The following KIF7 variants were observed in gnomAD, a reference collection of about 807,000 sequenced individuals.
KIF7 encodes the protein kinesin-like protein KIF7.
In KIF7, 104 loss-of-function variants were observed where a neutral mutation model predicts 135.7. The observed-to-expected ratio is 0.77, with a 90% CI of 0.65 to 0.90. The LOEUF (loss-of-function observed/expected upper bound fraction) is 0.90. Ranked by LOEUF, KIF7 falls within the 40% of genes least tolerant of loss-of-function variation. The pLI is 0.00. For missense variants in KIF7, 2,005 were observed against 1,839.1 expected (o/e 1.09, Z -1.65); for synonymous variants, 883 against 809.4 (o/e 1.09, Z -1.54).
rs969740740 is a variant in KIF7, at chr15:89,628,186, T to C, written c.*233A>G. The C allele has an allele frequency of 1.3e-5, 6 of 473,654 alleles. No individual in the cohort carries two copies. The highest frequency in any genetic ancestry group is 3.7e-5 in the Admixed American group (1 of 26,800). 29.3% of individuals were successfully genotyped at this position (473,654 alleles called of 1,614,324 possible). A position where few individuals can be genotyped will look rare whatever the true frequency, so the allele number is the denominator to read the frequency against. On this transcript the variant is annotated 3_prime_UTR_variant, in exon 19 of 19. Coordinates refer to ENST00000394412, the MANE Select transcript of KIF7 (RefSeq NM_198525.3). ...ATTCGAGCAAGACACAAGGCGGCAA[T>C]TGGGTACCACAGCTTCATGGAAGTA... is the stretch of plus-strand genomic sequence containing the variant.
At position 89,628,751 on chromosome 15, in the gene KIF7, G is replaced by C. The variant is rs1438460995; in HGVS notation, c.3700C>G (p.Gln1234Glu). The C allele has an allele frequency of 1.9e-6, 3 of 1,612,426 alleles. No individual in the cohort carries two copies. The highest frequency in any genetic ancestry group is 1.7e-5 in the Admixed American group (1 of 60,008). Residue 1234 changes from glutamine (Q) to glutamate (E), a missense_variant, in exon 19 of 19, where the codon CAG (glutamine) becomes GAG (glutamate). Physicochemically the swap from Gln to Glu is conservative, Grantham distance 29 (BLOSUM62 2). Coordinates refer to ENST00000394412, the MANE Select transcript of KIF7 (RefSeq NM_198525.3). ...EKRSLCSEGR[Q>E]APGNEDELHL... ...AGCTCATCTTCATTTCCAGGAGCCT[G>C]TCTGCCCTCCGAGCACAGGCTCCTC... is the stretch of plus-strand genomic sequence containing the variant.
intron 1 of KIF7, among the ~76,000 whole-genome samples, chr15:89,622,785 T>C (rs1963448167): frequency 6.6e-6 from 1 of 152,176 alleles, no homozygotes; most frequent in Non-Finnish European, 1.5e-5. Flanking sequence ...CTAGTATTGT[T>C]TTCTATGCCT....
intron 11 of KIF7, among the ~76,000 whole-genome samples, chr15:89,635,539 T>A (rs557916984): frequency 6.6e-6 from 1 of 152,254 alleles, no homozygotes; most frequent in African/African-American, 2.4e-5. Flanking sequence ...TGCAGAAGCC[T>A]CAGGAGCTGA....
chr15:89,633,806 G>C lies in KIF7; in HGVS notation c.2472C>G (p.Leu824=). ...SAQSEKRLQE[L]ERNVQLMRQQ... is the part of the protein sequence containing the mutation. ...GCCGCATGAGCTGCACGTTCCGCTCGAGCTCCTGCAGTCGCTTCTCACTCT... is the reference window on the plus strand; with the variant it reads ...GCCGCATGAGCTGCACGTTCCGCTCCAGCTCCTGCAGTCGCTTCTCACTCT... Residue 824 remains leucine, a synonymous_variant, in exon 12 of 19, where the codon CTC becomes CTG. Transcript: ENST00000394412. 6.2e-7 allele frequency: 1 copy of C among 1,612,736 alleles called. No individual in the cohort carries two copies. Among genetic ancestry groups the C allele is most frequent in the South Asian group, 1.1e-5 (1 of 91,082 alleles).
intron 11 of KIF7, among the ~76,000 whole-genome samples, chr15:89,638,975 C>T (rs894055195): frequency 5.3e-5 from 8 of 151,916 alleles, no homozygotes; most frequent in African/African-American, 1.9e-4. Context: ...GAACAGAGCC[C>T]TCAGAAATAA....
At position 89,633,133 on chromosome 15, in the gene KIF7, G is replaced by T; in HGVS notation, c.2718+8C>A. On this transcript the variant is annotated splice_region_variant and intron_variant, in intron 13 of 18. Coordinates refer to ENST00000394412, the MANE Select transcript of KIF7 (RefSeq NM_198525.3). ...GGAGCCCTGGGTGCGGACACAGCCTGGCCCCACCTGCTGCTGTTCCAGGCT... is the reference window on the plus strand; with the variant it reads ...GGAGCCCTGGGTGCGGACACAGCCTTGCCCCACCTGCTGCTGTTCCAGGCT... The T allele has an allele frequency of 6.2e-7, 1 of 1,602,176 alleles. No homozygotes were observed.
rs146368430 is a variant in KIF7 at position 89,633,185 on chromosome 15, G to A, written c.2674C>T (p.Arg892Cys). The A allele has an allele frequency of 5.3e-5, 85 of 1,605,300 alleles. No homozygotes were observed. Among genetic ancestry groups the A allele is most frequent in the South Asian group, 3.0e-4 (27 of 90,506 alleles). The change falls in exon 13 of 19, where the codon CGC (arginine) becomes TGC (cysteine). Residue 892 changes from arginine (R) to cysteine (C), a missense_variant. Transcript: ENST00000394412. ...ACCACAGAGCCGTTGCTGCCACTGC[G>A]CCTCTTCCTCTGGAATGCCGCGATC... ...EEIAAFQRKR[R>C]SGSNGSVVSL...
chr15:89,662,489 C>T, the KIF7 span, among the ~76,000 whole-genome samples: 9 of 152,088 alleles, frequency 5.9e-5, no homozygotes, highest in Non-Finnish European at 8.8e-5. Context: ...CAGAGTGATA[C>T]GGTCTCAAAA....
chr15:89,638,904 G>A (rs545134476), intron 11 of KIF7, among the ~76,000 whole-genome samples: 9 of 152,010 alleles, frequency 5.9e-5, no homozygotes, highest in Non-Finnish European at 1.3e-4. Flanking sequence ...ATACTACAAG[G>A]CTACAGTAAC....
At position 89,652,922 on chromosome 15, in the gene KIF7, C is replaced by G. The variant is rs1204498020; in HGVS notation, c.9G>C (p.Leu3=). 1.3e-6 allele frequency: 2 copies of G among 1,518,668 alleles called. No homozygotes were observed. The highest frequency in any genetic ancestry group is 2.4e-5 in the South Asian group (2 of 81,858). 94.1% of individuals were successfully genotyped at this position (1,518,668 alleles called of 1,614,324 possible). The change falls in exon 2 of 19, where the codon CTG becomes CTC. Residue 3 remains leucine, a synonymous_variant. Coordinates refer to ENST00000394412, the MANE Select transcript of KIF7 (RefSeq NM_198525.3). ...CAGCCCCTGGCAGCCTCTGAGCCTC[C>G]AGCCCCATGCCGAGGGAGGACTGCT... MG[L]EAQRLPGAEE...
intron 1 of KIF7, among the ~76,000 whole-genome samples, chr15:89,622,702 CG>C (rs1389882621): frequency 6.6e-6 from 1 of 152,190 alleles, no homozygotes; most frequent in East Asian, 1.9e-4. Flanking sequence ...CACCCCTCCC[CG>C]CTCCACCTCC....
chr15:89,621,982 C>CTTTT (rs34123859), intron 1 of KIF7, among the ~76,000 whole-genome samples: 5,101 of 87,380 alleles, frequency 0.058, 109 homozygotes, highest in Non-Finnish European at 0.07. Flanking sequence ...CAAACTGACT[C>CTTTT]TTTTTTTTTT....
chr15:89,618,583 C>T (rs971286448), intron 1 of KIF7, among the ~76,000 whole-genome samples: 1 of 152,206 alleles, frequency 6.6e-6, no homozygotes, highest in Non-Finnish European at 1.5e-5. Flanking sequence ...ATTATCTTTG[C>T]TGCTGCCCCT....
intron 1 of KIF7, among the ~76,000 whole-genome samples, chr15:89,619,479 G>GA (rs1399489124): frequency 6.6e-6 from 1 of 152,108 alleles, no homozygotes; most frequent in African/African-American, 2.4e-5. Context: ...TAAGACTTCT[G>GA]AAGGTAATAG....
rs963468113 is a variant in KIF7, at chr15:89,646,888, C to T, written c.1730G>A (p.Gly577Asp). 1.9e-5 allele frequency: 31 copies of T among 1,614,128 alleles called. No homozygotes were observed. Among genetic ancestry groups the T allele is most frequent in the Non-Finnish European group, 2.5e-5 (30 of 1,180,016 alleles). Residue 577 changes from glycine to aspartate, a missense_variant, in exon 7 of 19, where the codon GGC becomes GAC. Coordinates refer to ENST00000394412, the MANE Select transcript of KIF7 (RefSeq NM_198525.3). ...PLGGAHAHVL[G>D]MVPPACLPGD... ...AGGGAGGCAGGCAGGCGGCACCATGCCCAGCACATGGGCGTGGGCACCCCC... is the reference window on the plus strand; with the variant it reads ...AGGGAGGCAGGCAGGCGGCACCATGTCCAGCACATGGGCGTGGGCACCCCC...
At chr15:89,640,243 G>A (rs1447488626) in intron 11 of KIF7, among the ~76,000 whole-genome samples, 1 of 151,910 alleles carries the variant, frequency 6.6e-6, no homozygotes, top group Non-Finnish European at 1.5e-5. Context: ...GTATACATAT[G>A]TAACTAACCT....
Position 89,628,491 on chromosome 15 carries a change from AG to A in KIF7, c.3959del (p.Pro1320LeufsTer16), listed in dbSNP as rs1567056419. 1 of 1,612,264 alleles carries A rather than the reference AG, an allele frequency of 6.2e-7. No homozygotes were observed. The highest frequency in any genetic ancestry group is 1.1e-5 in the South Asian group (1 of 91,046). On this transcript the variant is annotated frameshift_variant, in exon 19 of 19. Coordinates refer to ENST00000394412, the MANE Select transcript of KIF7 (RefSeq NM_198525.3). LOFTEE classifies it high-confidence loss of function. ...GEAGLPWNFG[P>X]LSKPRRELRR... ...GCAGTTCCCGCCGGGGCTTGGACAAAGGCCCAAAGTTCCAGGGCAGGCCTGC... is the reference window on the plus strand; with the variant it reads ...GCAGTTCCCGCCGGGGCTTGGACAAAGCCCAAAGTTCCAGGGCAGGCCTGC...
intron 1 of KIF7, among the ~76,000 whole-genome samples, chr15:89,654,576 C>T (rs1349267310): frequency 6.6e-6 from 1 of 152,154 alleles, no homozygotes; most frequent in Admixed American, 6.5e-5. Context: ...CCCGTGACCA[C>T]TCCAACTGCA....
intron 1 of KIF7, among the ~76,000 whole-genome samples, chr15:89,622,188 G>C (rs967886252): frequency 6.6e-6 from 1 of 151,984 alleles, no homozygotes. Flanking sequence ...GTTTCACCAT[G>C]TTGGCCAGGC....
Sources: allele counts gnomAD v4.1 joint callset (sites outside exome capture counted in the v4.1 genomes callset), GRCh38; gene constraint gnomAD v4.1.1; transcripts MANE v1.5; gene names NCBI Gene and HGNC (gene_info 2026-07-23, HGNC 2026-07-21).